Variants in FMO5 observed in about 807,000 individuals in gnomAD.
The protein encoded by FMO5 is flavin containing dimethylaniline monoxygenase 5.
FMO5 carries 51 observed loss-of-function variants against 43.6 expected under a neutral mutation model. That is an observed-to-expected ratio of 1.17 (90% CI 0.93 to 1.48). The LOEUF (loss-of-function observed/expected upper bound fraction) is 1.48, where lower values mean the gene tolerates loss of function less well. Among genes scored for constraint, FMO5 ranks in the 40% most tolerant of loss-of-function variants. The pLI is 0.00. For synonymous variants in FMO5, 187 were observed against 216.5 expected (o/e 0.86, Z 1.20); for missense variants, 644 against 643.0 (o/e 1.00, Z -0.02).
At chr1:147,208,774 T>G (rs782433916) in intron 6 of FMO5, 78 bp downstream of exon 6, 8 of 1,235,644 alleles carry the variant, frequency 6.5e-6, no homozygotes, top group Admixed American at 1.8e-5. Flanking sequence ...TAGAGGTGGC[T>G]TTACTATTAG....
chr1:147,215,631 G>T, intron 3 of FMO5, 123 bp downstream of exon 3: 1 of 652,000 alleles, frequency 1.5e-6, no homozygotes, highest in Non-Finnish European at 2.6e-6. Flanking sequence ...TTTTTGCCTG[G>T]GTAGGATAAA....
At chr1:147,203,937 G>A in intron 6 of FMO5, 4 of 1,395,282 alleles carry the variant, frequency 2.9e-6, no homozygotes, top group Admixed American at 1.7e-5. Context: ...AATCTAGGAA[G>A]AGCTGTAGCA....
intron 7 of FMO5, among the ~76,000 whole-genome samples, chr1:147,197,740 A>G (rs1209775358): frequency 6.6e-6 from 1 of 152,148 alleles, no homozygotes; most frequent in African/African-American, 2.4e-5. Context: ...GAAACTACTC[A>G]GCCTCAGGCA....
intron 7 of FMO5, among the ~76,000 whole-genome samples, chr1:147,196,105 T>C (rs1460814547): frequency 3.3e-5 from 5 of 152,166 alleles, no homozygotes; most frequent in African/African-American, 4.8e-5. Flanking sequence ...GGCTAAACAG[T>C]ACATGTTTCC....
At chr1:147,211,063 T>G (rs1418448373) in intron 5 of FMO5, 3 of 152,218 alleles carry the variant, frequency 2.0e-5, no homozygotes, top group African/African-American at 7.2e-5. Context: ...ATTGAGTTTC[T>G]TCAGCTTGGA....
chr1:147,225,185 G>A, intron 1 of FMO5, 102 bp downstream of exon 1: 2 of 1,472,704 alleles, frequency 1.4e-6, no homozygotes, highest in Non-Finnish European at 1.8e-6. Context: ...GGACAGATTC[G>A]ACGGTCCTCT....
At chr1:147,195,917 G>C (rs1559642773) in intron 7 of FMO5, among the ~76,000 whole-genome samples, 1 of 152,014 alleles carries the variant, frequency 6.6e-6, no homozygotes, top group Admixed American at 6.5e-5. Context: ...ATAATTATTT[G>C]ACTGCTCTGG....
At chr1:147,213,101 A>G (rs587773692) in intron 4 of FMO5, among the ~76,000 whole-genome samples, 23 of 152,290 alleles carry the variant, frequency 1.5e-4, no homozygotes, top group Non-Finnish European at 4.4e-5. Context: ...GTAAAACTAA[A>G]TAGACTGCAA....
At position 147,224,877 on chromosome 1, in the gene FMO5, A is replaced by G. The variant is rs782266816; in HGVS notation, c.135+18T>C. 11 of 1,612,122 alleles carry G rather than the reference A, an allele frequency of 6.8e-6. No homozygotes were observed. In the Admixed American group the frequency reaches 1.8e-4, roughly 27 times the overall value. On this transcript the variant is annotated intron_variant, in intron 2 of 8. Transcript: ENST00000254090. ...CAGGGAGGGTTTCAAGTATTAAGGG[A>G]CTAGGAGATGTATGTACCTGGAACC... is the stretch of plus-strand genomic sequence containing the variant.
In FMO5 at chr1:147,186,667, A is replaced by C. The variant is rs1298412431; in HGVS notation, c.*233T>G. 1.7e-5 allele frequency: 23 copies of C among 1,325,284 alleles called. No homozygotes were observed. Among genetic ancestry groups the C allele is most frequent in the Non-Finnish European group, 2.2e-5 (23 of 1,040,136 alleles). 82.1% of individuals were successfully genotyped at this position (1,325,284 alleles called of 1,614,324 possible). ...TGACTAAAAGAGTACCTGAGCTCCC[A>C]GTCTAGGGATTACCACAAGGAAGAG... On this transcript the variant is annotated 3_prime_UTR_variant, in exon 9 of 9. Coordinates refer to ENST00000254090, the MANE Select transcript of FMO5 (RefSeq NM_001461.4).
intron 2 of FMO5, among the ~76,000 whole-genome samples, chr1:147,223,280 T>C (rs1663379291): frequency 6.6e-6 from 1 of 152,310 alleles, no homozygotes; most frequent in South Asian, 2.1e-4. Flanking sequence ...CTGATGATGA[T>C]ACACGTATGC....
intron 2 of FMO5, among the ~76,000 whole-genome samples, chr1:147,218,443 A>T (rs1662405716): frequency 2.0e-5 from 3 of 151,820 alleles, no homozygotes; most frequent in African/African-American, 7.3e-5. Flanking sequence ...TCACCATGTT[A>T]GCCAGGCTGG....
intron 6 of FMO5, among the ~76,000 whole-genome samples, chr1:147,202,348 CT>C (rs1436482763): frequency 1 from 133,281 of 133,352 alleles, 66,605 homozygotes; most frequent in East Asian, 1. Context: ...GACAGAGTCT[CT>C]ACTTCTTTTG....
In FMO5 at chr1:147,213,487, T is replaced by C; in HGVS notation, c.325-17A>G. ...CACAGTGGTCTGAAAAGAAAAGTGA[T>C]AACCACAGGGGACATCCCTGACATG... is the stretch of plus-strand genomic sequence containing the variant. On this transcript the variant is annotated splice_polypyrimidine_tract_variant and intron_variant, in intron 3 of 8. Transcript: ENST00000254090. 6.3e-7 allele frequency: 1 copy of C among 1,586,960 alleles called. No individual in the cohort carries two copies. The highest frequency in any genetic ancestry group is 8.6e-7 in the Non-Finnish European group (1 of 1,166,914).
chr1:147,187,105 C>T lies in FMO5; in HGVS notation c.1397G>A (p.Gly466Glu), dbSNP rs1380892136. Residue 466 changes from glycine (G) to glutamate (E), a missense_variant, in exon 9 of 9, where the codon GGA becomes GAA. Gly to Glu is a moderately conservative substitution (Grantham distance 98). Coordinates refer to ENST00000254090, the MANE Select transcript of FMO5 (RefSeq NM_001461.4). The stretch of plus-strand genomic sequence containing the variant: ...ACGATAGTGGATTGGAGTGCAGGGT[C>T]CCAGTAATAAGTGTAATGCCAGCTT... Reference protein sequence around the residue: ...DPKLALHLLLGPCTPIHYRVQ... With the variant: ...DPKLALHLLLEPCTPIHYRVQ... The T allele has an allele frequency of 6.2e-6, 10 of 1,613,998 alleles. No individual in the cohort carries two copies. Among genetic ancestry groups the T allele is most frequent in the Middle Eastern group, 1.6e-4 (1 of 6,062 alleles).
chr1:147,204,863 C>T, intron 6 of FMO5: 2 of 1,599,930 alleles, frequency 1.3e-6, no homozygotes, highest in Non-Finnish European at 1.7e-6. Context: ...TCTTCTAATT[C>T]TGAAAAGTGT....
In FMO5 at chr1:147,196,604, A is replaced by T. The variant is rs137858144; in HGVS notation, c.1183+4548T>A. The stretch of plus-strand genomic sequence containing the variant: ...GGGGTGAAAAAATTTAAAAAAATTA[A>T]AAAATTTTAAAAAGATGTATACATC... On this transcript the variant is annotated intron_variant, in intron 7 of 8. Transcript: ENST00000254090. Among the ~76,000 whole-genome samples, 779 of 152,210 alleles carry T rather than the reference A, an allele frequency of 5.1e-3. 8 individuals carry two copies. Among genetic ancestry groups the T allele is most frequent in the African/African-American group, 0.017 (690 of 41,506 alleles).
chr1:147,196,261 T>C (rs1455033922), intron 7 of FMO5, among the ~76,000 whole-genome samples: 1 of 152,192 alleles, frequency 6.6e-6, no homozygotes, highest in Non-Finnish European at 1.5e-5. Context: ...CATGTGTTTT[T>C]ACATTTTAGC....
intron 8 of FMO5, 45 bp downstream of exon 8, chr1:147,190,132 A>T (rs1553918123): frequency 7.9e-7 from 1 of 1,268,280 alleles, no homozygotes; most frequent in South Asian, 1.3e-5. Context: ...TTATTAAGAA[A>T]TAAGTAGAAA....
Sources: allele counts gnomAD v4.1 joint callset (sites outside exome capture counted in the v4.1 genomes callset), GRCh38; gene constraint gnomAD v4.1.1; transcripts MANE v1.5; gene names NCBI Gene and HGNC (gene_info 2026-07-23, HGNC 2026-07-21).